The following PLIN2 variants were observed in gnomAD, a reference collection of about 807,000 sequenced individuals.
The protein encoded by PLIN2 is perilipin-2.
PLIN2 carries 33 observed loss-of-function variants against 30.6 expected under a neutral mutation model. That is an observed-to-expected ratio of 1.08 (90% confidence interval 0.82 to 1.44). The LOEUF is 1.44. Ranked by LOEUF, PLIN2 falls within the 40% of genes most tolerant of loss-of-function variation. The pLI, the probability that PLIN2 is intolerant of heterozygous loss-of-function variation, is 0.00. For synonymous variants in PLIN2, 205 were observed against 201.1 expected (o/e 1.02, Z -0.16); for missense variants, 610 against 531.8 (o/e 1.15, Z -1.45).
Position 19,126,117 on chromosome 9 carries a change from G to A in PLIN2, c.223C>T (p.Gln75Ter), listed in dbSNP as rs759251345. ...ALPIIQKLEP[Q>*]IAVANTYACK... ...ATCTTGAAAAATCAGAACTCACTTT[G>A]CGGCTCTAGCTTCTGGATGATGGGC... The change falls in exon 3 of 8, where the codon CAA becomes TAA. Residue 75 changes from glutamine to a stop codon, truncating the protein, a stop_gained. Coordinates refer to ENST00000276914, the MANE Select transcript of PLIN2 (RefSeq NM_001122.4). LOFTEE classifies it high-confidence loss of function. 3.1e-6 allele frequency: 5 copies of A among 1,613,244 alleles called. No homozygotes were observed. In the Admixed American group the frequency reaches 8.3e-5, roughly 27 times the overall value.
chr9:19,113,656 C>A (rs977181335), downstream of PLIN2, among the ~76,000 whole-genome samples: 1 of 151,704 alleles, frequency 6.6e-6, no homozygotes, highest in Non-Finnish European at 1.5e-5. Flanking sequence ...TCACTGCAAC[C>A]TTCACCTGCC....
chr9:19,123,301 AT>A, intron 4 of PLIN2: 1 of 1,488,344 alleles, frequency 6.7e-7, no homozygotes. Flanking sequence ...CAGCAATTTC[AT>A]TTATAGGAGC....
intron 4 of PLIN2, chr9:19,123,216 C>T: frequency 3.8e-6 from 3 of 780,644 alleles, no homozygotes; most frequent in Non-Finnish European, 6.0e-6. Context: ...CAGCATTGTA[C>T]AAGCCAGGTG....
intron 4 of PLIN2, chr9:19,123,154 T>C: frequency 1.6e-5 from 9 of 569,410 alleles, no homozygotes; most frequent in South Asian, 1.4e-4. Flanking sequence ...CAGACAAGCC[T>C]ATCATTTTTG....
intron 7 of PLIN2, among the ~76,000 whole-genome samples, 172 bp from the exon 8 acceptor site, chr9:19,116,821 T>C (rs1818236166): frequency 6.6e-6 from 1 of 152,176 alleles, no homozygotes; most frequent in South Asian, 2.1e-4. Context: ...GATATGAATA[T>C]AAGCTTAGAG....
At position 19,126,266 on chromosome 9, in the gene PLIN2, G is replaced by A. The variant is rs762100071; in HGVS notation, c.74C>T (p.Thr25Met). 17 of 1,614,080 alleles carry A rather than the reference G, an allele frequency of 1.1e-5. No individual in the cohort carries two copies. The highest frequency in any genetic ancestry group is 4.4e-5 in the South Asian group (4 of 91,072). The part of the protein sequence containing the change: ...RVVNLPLVSS[T>M]YDLMSSAYLS... Reference sequence around the variant, plus strand: ...ATAGGCTGAGGACATGAGGTCATACGTGGAGCTCACCAAGGGCAGGTTGAC... The same window carrying A: ...ATAGGCTGAGGACATGAGGTCATACATGGAGCTCACCAAGGGCAGGTTGAC... Residue 25 changes from threonine to methionine, a missense_variant, in exon 3 of 8, where the codon ACG (threonine) becomes ATG (methionine). Physicochemically the swap from Thr to Met is moderately conservative, Grantham distance 81 (BLOSUM62 -1). Transcript: ENST00000276914.
At chr9:19,108,701 A>G (rs1320239483) in exon 3 of PLIN2, 1 of 152,656 alleles carries the variant, frequency 6.6e-6, no homozygotes, top group Non-Finnish European at 1.5e-5. Flanking sequence ...AATATCTGGA[A>G]TTTCATCAGT....
chr9:19,114,827 A>G (rs1818198644), downstream of PLIN2, among the ~76,000 whole-genome samples: 1 of 152,240 alleles, frequency 6.6e-6, no homozygotes, highest in African/African-American at 2.4e-5. Flanking sequence ...TGGATACCAT[A>G]GGCAGGAGGT....
chr9:19,124,169 G>A (rs1389267860), intron 3 of PLIN2, among the ~76,000 whole-genome samples: 5 of 152,142 alleles, frequency 3.3e-5, no homozygotes, highest in African/African-American at 1.2e-4. Flanking sequence ...AGCAGGCAGA[G>A]GCAGTGACAG....
chr9:19,113,794 T>C (rs1364955960), downstream of PLIN2, among the ~76,000 whole-genome samples: 5 of 146,594 alleles, frequency 3.4e-5, no homozygotes, highest in East Asian at 1.0e-3. Context: ...TTTTTTGAGA[T>C]GGAGTCTCGC....
At chr9:19,119,504 A>G (rs1275673590) in intron 6 of PLIN2, 146 bp downstream of exon 6, 1 of 563,252 alleles carries the variant, frequency 1.8e-6, no homozygotes, top group Non-Finnish European at 3.2e-6. Context: ...TTTTTCTGTG[A>G]GCTGTCTCCA....
At chr9:19,121,313 G>A (rs1340167366) in intron 4 of PLIN2, 148 bp from the exon 5 acceptor site, 1 of 673,008 alleles carries the variant, frequency 1.5e-6, no homozygotes, top group Non-Finnish European at 2.5e-6. Context: ...AAGTCACTAA[G>A]AGTTGATGAG....
Position 19,123,635 on chromosome 9 carries a change from T to C in PLIN2, c.239A>G (p.Asn80Ser). The change falls in exon 4 of 8, where the codon AAT (asparagine) becomes AGT (serine). Residue 80 changes from asparagine (N) to serine (S), a missense_variant. Asn to Ser is a conservative substitution (Grantham distance 46). Coordinates refer to ENST00000276914, the MANE Select transcript of PLIN2 (RefSeq NM_001122.4). ...GTCTAGCCCCTTACAGGCATAGGTA[T>C]TGGCAACTGCAACTAGAATCACAAA... ...QKLEPQIAVA[N>S]TYACKGLDRI... is the part of the protein sequence containing the mutation. 2 of 1,613,604 alleles carry C rather than the reference T, an allele frequency of 1.2e-6. No individual in the cohort carries two copies. The highest frequency in any genetic ancestry group is 2.2e-5 in the South Asian group (2 of 91,056).
intron 3 of PLIN2, among the ~76,000 whole-genome samples, chr9:19,125,133 T>A (rs1328350719): frequency 6.6e-6 from 1 of 152,166 alleles, no homozygotes; most frequent in African/African-American, 2.4e-5. Flanking sequence ...AGTATGACAT[T>A]TCTATTCTTT....
downstream of PLIN2, among the ~76,000 whole-genome samples, chr9:19,111,185 A>C (rs546007467): frequency 6.6e-6 from 1 of 152,116 alleles, no homozygotes; most frequent in African/African-American, 2.4e-5. Context: ...AGTAGCTTGA[A>C]TTACAGGAGC....
chr9:19,123,885 G>A (rs1188758825), intron 3 of PLIN2, among the ~76,000 whole-genome samples: 5 of 152,056 alleles, frequency 3.3e-5, no homozygotes, highest in Non-Finnish European at 1.5e-5. Context: ...TGGGCGTGAT[G>A]GTGTGCGCCT....
downstream of PLIN2, among the ~76,000 whole-genome samples, chr9:19,112,629 G>T (rs577334394): frequency 6.6e-6 from 1 of 150,612 alleles, no homozygotes; most frequent in South Asian, 2.1e-4. Context: ...AATCGATTGA[G>T]CCTGGGAGGC....
chr9:19,126,212 A>G lies in PLIN2; in HGVS notation c.128T>C (p.Leu43Pro). Residue 43 changes from leucine (L) to proline (P), a missense_variant, in exon 3 of 8, where the codon CTG (leucine) becomes CCG (proline). By Grantham distance (98) the Leu-to-Pro change is moderately conservative. Transcript: ENST00000276914. The stretch of plus-strand genomic sequence containing the variant: ...CTCTGCCATCTCACACACAGACTTC[A>G]GGTAGGGATACTGGTCCTTTGTACT... ...YLSTKDQYPY[L>P]KSVCEMAENG... 6.2e-7 allele frequency: 1 copy of G among 1,614,150 alleles called. No individual in the cohort carries two copies. The highest frequency in any genetic ancestry group is 8.5e-7 in the Non-Finnish European group (1 of 1,179,988).
rs1384751692 is a variant in PLIN2 at position 19,116,246 on chromosome 9, G to A, written c.*2C>T. 3 of 1,575,598 alleles carry A rather than the reference G, an allele frequency of 1.9e-6. No individual in the cohort carries two copies. The highest frequency in any genetic ancestry group is 2.2e-4 in the Middle Eastern group (1 of 4,488). On this transcript the variant is annotated 3_prime_UTR_variant, in exon 8 of 8. Transcript: ENST00000276914. ...CAGCATGCACTAGTGATAGGGGCAG[G>A]TTTAATGAGTTTTATGCTCAGATCG...
Sources: gnomAD v4.1 joint callset for allele counts (sites outside exome capture counted in the v4.1 genomes callset) on GRCh38, gnomAD v4.1.1 for gene constraint, MANE v1.5 for transcripts, NCBI Gene and HGNC (gene_info 2026-07-23, HGNC 2026-07-21) for gene names.